The following NALF1 variants were observed in gnomAD, a reference collection of about 807,000 sequenced individuals.
NALF1 encodes NALCN channel auxiliary factor 1.
NALF1 carries 3 observed loss-of-function variants against 48.4 expected under a neutral mutation model. The ratio of observed to expected loss-of-function variants is 0.06; its 90% CI spans 0.03 to 0.16. The LOEUF (loss-of-function observed/expected upper bound fraction) is 0.16. NALF1 is among the 10% of genes least tolerant of loss of function. The pLI, the probability that NALF1 is intolerant of heterozygous loss-of-function variation, is 1.00. For missense variants in NALF1, 526 were observed against 571.5 expected (o/e 0.92, Z 0.81); for synonymous variants, 262 against 245.7 (o/e 1.07, Z -0.62).
In NALF1 at chr13:107,433,676, C is replaced by CA. The variant is rs112231783; in HGVS notation, c.916-222922dup. On this transcript the variant is annotated intron_variant, in intron 1 of 2. Transcript: ENST00000375915. Reference sequence around the variant, plus strand: ...ACATTAAAAAGTTAAGGCACAAATTCAAAAAAAAAAACTTCTAATTTTGTG... The same window carrying CA: ...ACATTAAAAAGTTAAGGCACAAATTCAAAAAAAAAAAACTTCTAATTTTGTG... Among the ~76,000 whole-genome samples, 973 of 144,464 alleles carry CA rather than the reference C, an allele frequency of 6.7e-3. 3 individuals are homozygous for CA. The highest frequency in any genetic ancestry group is 0.02 in the African/African-American group (776 of 39,568). 94.8% of individuals were successfully genotyped at this position (144,464 alleles called of 152,430 possible). A position where few individuals can be genotyped will look rare whatever the true frequency, so the allele number is the denominator to read the frequency against.
intron 2 of NALF1, among the ~76,000 whole-genome samples, chr13:107,199,584 TTGGGG>T (rs1385575016): frequency 6.6e-6 from 1 of 152,136 alleles, no homozygotes; most frequent in Non-Finnish European, 1.5e-5. Context: ...GACACTGAGT[TTGGGG>T]TACCTATTCA....
chr13:107,689,899 G>A (rs1881527449), intron 1 of NALF1, among the ~76,000 whole-genome samples: 1 of 152,060 alleles, frequency 6.6e-6, no homozygotes, highest in African/African-American at 2.4e-5. Context: ...AAACAATATA[G>A]CTCCCTGCAG....
Position 107,254,062 on chromosome 13 carries a change from A to AAAAAAAAAAATATATATATATATATATAT in NALF1, c.916-43308_916-43307insATATATATATATATATATATTTTTTTTTT. Among the ~76,000 whole-genome samples the AAAAAAAAAAATATATATATATATATATAT allele has an allele frequency of 2.9e-4, 40 of 138,674 alleles. 1 individual carries two copies. Among genetic ancestry groups the AAAAAAAAAAATATATATATATATATATAT allele is most frequent in the African/African-American group, 7.3e-4 (27 of 37,062 alleles). The allele number at this position is 138,674 out of a possible 152,430, so 91.0% of individuals were successfully genotyped here. On this transcript the variant is annotated intron_variant, in intron 1 of 2. Coordinates refer to ENST00000375915, the MANE Select transcript of NALF1 (RefSeq NM_001080396.3). ...AGATGTTTAAGGGAGCAAGTACTAA[A>AAAAAAAAAAATATATATATATATATATAT]ATATATATATATATATTAAGCACAC...
chr13:107,280,340 T>C (rs1422646157), intron 1 of NALF1, among the ~76,000 whole-genome samples: 7 of 152,220 alleles, frequency 4.6e-5, no homozygotes, highest in African/African-American at 1.7e-4. Flanking sequence ...AATTATGCTA[T>C]TAGTTACTTG....
chr13:107,576,949 G>A (rs189161532), intron 1 of NALF1, among the ~76,000 whole-genome samples: 53 of 152,292 alleles, frequency 3.5e-4, no homozygotes, highest in African/African-American at 1.2e-3. Context: ...AGGGAGTTAA[G>A]TAAACTCGGG....
chr13:107,176,572 G>A (rs1418231411), intron 2 of NALF1, among the ~76,000 whole-genome samples: 2 of 151,884 alleles, frequency 1.3e-5, no homozygotes, highest in African/African-American at 2.4e-5. Context: ...AACCCGGGAG[G>A]CGGAGCTTGC....
intron 1 of NALF1, among the ~76,000 whole-genome samples, chr13:107,367,136 C>T (rs1191109040): frequency 6.6e-6 from 1 of 152,176 alleles, no homozygotes; most frequent in Non-Finnish European, 1.5e-5. Flanking sequence ...TGCAGGTAAG[C>T]TGTATGTGCT....
intron 1 of NALF1, among the ~76,000 whole-genome samples, chr13:107,739,875 G>A (rs1876583091): frequency 6.6e-6 from 1 of 152,186 alleles, no homozygotes; most frequent in African/African-American, 2.4e-5. Flanking sequence ...ACATGTGAGG[G>A]ATCTAGGTTG....
At chr13:107,801,793 G>A (rs897316916) in intron 1 of NALF1, among the ~76,000 whole-genome samples, 6 of 152,156 alleles carry the variant, frequency 3.9e-5, no homozygotes, top group South Asian at 2.1e-4. Flanking sequence ...TCTAAAATTG[G>A]CCATGAACAT....
intron 1 of NALF1, among the ~76,000 whole-genome samples, chr13:107,368,392 C>A (rs1434254239): frequency 6.6e-5 from 10 of 151,584 alleles, no homozygotes; most frequent in African/African-American, 2.4e-4. Context: ...TCTCGGCTCA[C>A]TAAAACCTCC....
At chr13:107,609,875 T>C (rs1317889850) in intron 1 of NALF1, among the ~76,000 whole-genome samples, 4 of 152,158 alleles carry the variant, frequency 2.6e-5, no homozygotes, top group Non-Finnish European at 4.4e-5. Flanking sequence ...TTAACAGGCA[T>C]ATACATATGT....
intron 1 of NALF1, among the ~76,000 whole-genome samples, chr13:107,725,244 A>G (rs2138530857): frequency 6.6e-6 from 1 of 152,258 alleles, no homozygotes; most frequent in East Asian, 1.9e-4. Flanking sequence ...TCTGTTTGGG[A>G]TCAATTTTAT....
intron 1 of NALF1, among the ~76,000 whole-genome samples, chr13:107,723,362 C>T (rs1383846527): frequency 6.6e-6 from 1 of 152,112 alleles, no homozygotes; most frequent in Non-Finnish European, 1.5e-5. Flanking sequence ...AGATTGACTA[C>T]CCTGTCTAAA....
chr13:107,313,482 G>T (rs769670192), intron 1 of NALF1, among the ~76,000 whole-genome samples: 1 of 152,000 alleles, frequency 6.6e-6, no homozygotes, highest in Non-Finnish European at 1.5e-5. Flanking sequence ...CTCACAATTT[G>T]TCCACAAGAA....
At chr13:107,336,668 C>A (rs1279295496) in intron 1 of NALF1, among the ~76,000 whole-genome samples, 4 of 152,028 alleles carry the variant, frequency 2.6e-5, no homozygotes, top group African/African-American at 9.7e-5. Context: ...ATGTTAATTT[C>A]ATGTAACATA....
chr13:107,688,458 TCA>T (rs1299136271), intron 1 of NALF1, among the ~76,000 whole-genome samples: 1 of 152,140 alleles, frequency 6.6e-6, no homozygotes, highest in East Asian at 1.9e-4. Flanking sequence ...CTTTAAATAA[TCA>T]CAGAAATACC....
chr13:107,640,677 C>T (rs1490730221), intron 1 of NALF1, among the ~76,000 whole-genome samples: 1 of 152,090 alleles, frequency 6.6e-6, no homozygotes. Flanking sequence ...ACTTTTATCT[C>T]AAGATTTCAT....
chr13:107,509,743 T>C (rs999913381), intron 1 of NALF1, among the ~76,000 whole-genome samples: 9 of 152,180 alleles, frequency 5.9e-5, no homozygotes, highest in Admixed American at 1.3e-4. Flanking sequence ...GGCTTTCAAA[T>C]AGACTCTCCT....
chr13:107,688,928 G>A (rs1286501886), intron 1 of NALF1, among the ~76,000 whole-genome samples: 1 of 152,158 alleles, frequency 6.6e-6, no homozygotes, highest in Non-Finnish European at 1.5e-5. Flanking sequence ...CGAAACGGAG[G>A]TCACTGGCGA....
Sources: allele counts gnomAD v4.1 joint callset (sites outside exome capture counted in the v4.1 genomes callset), GRCh38; gene constraint gnomAD v4.1.1; transcripts MANE v1.5; gene names NCBI Gene and HGNC (gene_info 2026-07-23, HGNC 2026-07-21).